Variants in GASK1A observed in about 807,000 individuals in gnomAD.
GASK1A encodes the protein golgi associated kinase 1A, also known as Golgi-associated kinase 1A.
GASK1A carries 40 observed loss-of-function variants against 41.2 expected under a neutral mutation model. That is an observed-to-expected ratio of 0.97 (90% CI 0.75 to 1.27). The LOEUF is 1.27. Among genes scored for constraint, GASK1A ranks in the 50% most tolerant of loss-of-function variants. GASK1A has a pLI of 0.00. For synonymous variants in GASK1A, 316 were observed against 307.1 expected, an observed-to-expected ratio of 1.03 and a Z score of -0.30; for missense variants, 678 against 745.1, an observed-to-expected ratio of 0.91 and a Z score of 1.05.
chr3:42,991,899 G>A (rs1049511070), intron 1 of GASK1A, among the ~76,000 whole-genome samples: 5 of 152,254 alleles, frequency 3.3e-5, no homozygotes, highest in South Asian at 4.1e-4. Flanking sequence ...TGGATAGCAC[G>A]GGTGCTCATT....
chr3:43,037,531 T>A, intron 2 of GASK1A: 1 of 384,864 alleles, frequency 2.6e-6, no homozygotes. Context: ...CCTGCAGTTA[T>A]GTACATTTTG....
At chr3:43,043,251 G>T (rs1219838454) in intron 2 of GASK1A, among the ~76,000 whole-genome samples, 1 of 152,176 alleles carries the variant, frequency 6.6e-6, no homozygotes, top group African/African-American at 2.4e-5. Context: ...TGGGCCACCA[G>T]AGACAGCAGA....
At chr3:42,990,589 G>T (rs766626857) in intron 1 of GASK1A, among the ~76,000 whole-genome samples, 10 of 152,182 alleles carry the variant, frequency 6.6e-5, no homozygotes, top group Non-Finnish European at 1.5e-4. Context: ...TATACCCTAG[G>T]CCCCTCGGGA....
In GASK1A at chr3:43,027,558, A is replaced by G. The variant is rs917080883; in HGVS notation, c.4-4709A>G. Among the ~76,000 whole-genome samples the G allele has an allele frequency of 3.3e-5, 5 of 152,330 alleles. No individual in the cohort carries two copies. The East Asian group carries it at 9.6e-4, about 29-fold the overall frequency. On this transcript the variant is annotated intron_variant, in intron 1 of 4. Coordinates refer to ENST00000430121, the MANE Select transcript of GASK1A (RefSeq NM_001129908.3). ...ACTAGTTATGAAAATTGAATGGTAG[A>G]GGAAAGGGAGGGCAAGGAGGGGGAA...
intron 1 of GASK1A, among the ~76,000 whole-genome samples, chr3:43,016,528 T>C (rs1444969842): frequency 6.8e-6 from 1 of 147,822 alleles, no homozygotes; most frequent in Non-Finnish European, 1.5e-5. Flanking sequence ...CTGTGTGAGG[T>C]CACAGGGAAG....
chr3:43,010,078 C>T (rs1018621520), intron 1 of GASK1A, among the ~76,000 whole-genome samples: 4 of 152,266 alleles, frequency 2.6e-5, no homozygotes, highest in African/African-American at 9.6e-5. Context: ...TGCCTCCTGC[C>T]CCAGGGTGCT....
At chr3:43,047,409 G>T (rs1234584397) in intron 2 of GASK1A, among the ~76,000 whole-genome samples, 2 of 152,196 alleles carry the variant, frequency 1.3e-5, no homozygotes, top group Non-Finnish European at 2.9e-5. Context: ...CCTGAATGAG[G>T]ACATCTGGGC....
chr3:43,002,987 A>T (rs1019129365), intron 1 of GASK1A, among the ~76,000 whole-genome samples: 18 of 152,132 alleles, frequency 1.2e-4, no homozygotes, highest in Admixed American at 1.0e-3. Context: ...ACAGGTGTTC[A>T]TTATGCCTTA....
intron 2 of GASK1A, among the ~76,000 whole-genome samples, chr3:43,045,350 AGACCCTG>A (rs1364339397): frequency 6.6e-6 from 1 of 152,160 alleles, no homozygotes; most frequent in East Asian, 1.9e-4. Flanking sequence ...GAGGGGTTTT[AGACCCTG>A]GACCCTGGAC....
chr3:43,006,772 G>T (rs2089438150), intron 1 of GASK1A, among the ~76,000 whole-genome samples: 1 of 152,196 alleles, frequency 6.6e-6, no homozygotes, highest in Admixed American at 6.5e-5. Context: ...CCAAAGAGAA[G>T]CAGGGAAACA....
intron 2 of GASK1A, among the ~76,000 whole-genome samples, chr3:43,042,520 A>G (rs928529197): frequency 4.6e-5 from 7 of 151,988 alleles, no homozygotes; most frequent in Non-Finnish European, 1.0e-4. Flanking sequence ...CATTTTCAGG[A>G]ATGGATGTGT....
chr3:43,047,036 A>G (rs2089667617), intron 2 of GASK1A, among the ~76,000 whole-genome samples: 1 of 152,214 alleles, frequency 6.6e-6, no homozygotes, highest in Non-Finnish European at 1.5e-5. Context: ...CCTCATGGAG[A>G]ACCTTTGCTA....
chr3:43,019,762 ACAC>A lies in GASK1A; in HGVS notation c.4-12504_4-12502del, dbSNP rs2089512254. 1.4e-4 allele frequency among the ~76,000 whole-genome samples: 14 copies of A among 98,294 alleles called. 1 individual carries two copies. The highest frequency in any genetic ancestry group is 3.3e-4 in the Non-Finnish European group (14 of 42,808). The allele number at this position is 98,294 out of a possible 152,430, so 64.5% of individuals were successfully genotyped here. ...TAGACCCAAATTCCGTTTTTAACAC[ACAC>A]ACACACACACACACACACACACACC... On this transcript the variant is annotated intron_variant, in intron 1 of 4. Transcript: ENST00000430121.
intron 1 of GASK1A, among the ~76,000 whole-genome samples, chr3:43,022,171 G>A (rs1287387607): frequency 6.6e-6 from 1 of 152,162 alleles, no homozygotes; most frequent in Non-Finnish European, 1.5e-5. Context: ...TTTCTCTAAT[G>A]TACTCTTTAT....
intron 1 of GASK1A, among the ~76,000 whole-genome samples, chr3:42,991,369 C>T (rs919350742): frequency 6.6e-6 from 1 of 151,990 alleles, no homozygotes; most frequent in Non-Finnish European, 1.5e-5. Context: ...CGCAGATATA[C>T]ACACACACAC....
Position 43,011,380 on chromosome 3 carries a change from CAAA to C in GASK1A, c.4-20869_4-20867del, listed in dbSNP as rs55954875. On this transcript the variant is annotated intron_variant, in intron 1 of 4. Coordinates refer to ENST00000430121, the MANE Select transcript of GASK1A (RefSeq NM_001129908.3). ...CTGGCGACAGAGTGAGACTCCATCTCAAAAAAAAAAAAAAAAAAAATGGTTAGG... is the reference window on the plus strand; with the variant it reads ...CTGGCGACAGAGTGAGACTCCATCTCAAAAAAAAAAAAAAAAATGGTTAGG... Among the ~76,000 whole-genome samples the C allele has an allele frequency of 8.7e-3, 760 of 87,188 alleles. 6 individuals carry two copies. The highest frequency in any genetic ancestry group is 0.029 in the African/African-American group (655 of 22,914). The allele number at this position is 87,188 out of a possible 152,430, so 57.2% of individuals were successfully genotyped here. A position where few individuals can be genotyped will look rare whatever the true frequency, so the allele number is the denominator to read the frequency against.
At chr3:43,016,032 C>T (rs752052162) in intron 1 of GASK1A, among the ~76,000 whole-genome samples, 2 of 149,522 alleles carry the variant, frequency 1.3e-5, no homozygotes, top group Non-Finnish European at 3.0e-5. Flanking sequence ...AGTGTGAAGT[C>T]ACAGGGAGGG....
At chr3:43,051,181 A>G (rs938541643) in intron 2 of GASK1A, among the ~76,000 whole-genome samples, 6 of 152,018 alleles carry the variant, frequency 3.9e-5, no homozygotes, top group African/African-American at 9.7e-5. Flanking sequence ...TGTTTGTTGT[A>G]GTTGTTTTTG....
At chr3:42,987,891 T>C (rs1306350393) in intron 1 of GASK1A, among the ~76,000 whole-genome samples, 1 of 148,862 alleles carries the variant, frequency 6.7e-6, no homozygotes, top group Non-Finnish European at 1.5e-5. Flanking sequence ...CCCAGCTGCT[T>C]GGGAGGCTGA....
Sources: gnomAD v4.1 joint callset for allele counts (sites outside exome capture counted in the v4.1 genomes callset) on GRCh38, gnomAD v4.1.1 for gene constraint, MANE v1.5 for transcripts, NCBI Gene and HGNC (gene_info 2026-07-23, HGNC 2026-07-21) for gene names.